ZBTB10: variants seen among roughly 807,000 people sequenced by gnomAD.
The protein encoded by ZBTB10 is zinc finger and BTB domain-containing protein 10.
In ZBTB10, 32 loss-of-function variants were observed where a neutral mutation model predicts 76.4. The observed-to-expected ratio is 0.42, with a 90% CI of 0.32 to 0.56. The LOEUF is 0.56. Ranked by LOEUF, ZBTB10 falls within the 20% of genes least tolerant of loss-of-function variation. ZBTB10 has a pLI of 0.14. For missense variants in ZBTB10, 1,057 were observed against 1,098.5 expected (o/e 0.96, Z 0.53); for synonymous variants, 523 against 432.9 (o/e 1.21, Z -2.58).
chr8:80,518,458 G>A lies in ZBTB10; in HGVS notation c.2016G>A (p.Lys672=). 1 of 1,553,354 alleles carries A rather than the reference G, an allele frequency of 6.4e-7. No homozygotes were observed. Among genetic ancestry groups the A allele is most frequent in the Non-Finnish European group, 8.7e-7 (1 of 1,147,892 alleles). Residue 672 remains lysine, a synonymous_variant, in exon 4 of 6, where the codon AAG becomes AAA. Coordinates refer to ENST00000455036, the MANE Select transcript of ZBTB10 (RefSeq NM_001105539.3). ...TGCCTGGTCCTTCAAATGATTTCAA[G>A]TATGGATTGATACCAGGTACTTCAA... is the stretch of plus-strand genomic sequence containing the variant. ...GLMPGPSNDF[K]YGLIPGTSND...
At chr8:80,516,204 A>G (rs1478212341) in intron 3 of ZBTB10, among the ~76,000 whole-genome samples, 1 of 152,184 alleles carries the variant, frequency 6.6e-6, no homozygotes, top group Admixed American at 6.5e-5. Flanking sequence ...GACAGGCACG[A>G]GCCACTGTGC....
rs1329266654 is a variant in ZBTB10, at chr8:80,520,377, T to A, written c.*849T>A. ...TTCTGACATGGTATTTGGTTTTGGGTATCTGTTACTTTGGCACTATTCTTG... is the reference window on the plus strand; with the variant it reads ...TTCTGACATGGTATTTGGTTTTGGGAATCTGTTACTTTGGCACTATTCTTG... On this transcript the variant is annotated 3_prime_UTR_variant, in exon 6 of 6. Transcript: ENST00000455036. 2.6e-5 allele frequency: 4 copies of A among 152,532 alleles called. No individual in the cohort carries two copies. The highest frequency in any genetic ancestry group is 2.6e-4 in the Admixed American group (4 of 15,254). 9.4% of individuals were successfully genotyped at this position (152,532 alleles called of 1,614,324 possible).
intron 2 of ZBTB10, among the ~76,000 whole-genome samples, chr8:80,502,163 G>T (rs1043370701): frequency 2.0e-5 from 3 of 152,126 alleles, no homozygotes; most frequent in Non-Finnish European, 4.4e-5. Flanking sequence ...GTATCTCCTA[G>T]CCATGGTTGT....
intron 1 of ZBTB10, among the ~76,000 whole-genome samples, chr8:80,495,152 A>G (rs976578095): frequency 1.4e-4 from 21 of 147,840 alleles, no homozygotes; most frequent in African/African-American, 5.2e-4. Context: ...TTTTTTTTTA[A>G]GGAGATAGGG....
Position 80,518,539 on chromosome 8 carries a change from A to G in ZBTB10, c.2097A>G (p.Leu699=). 6.4e-7 allele frequency: 1 copy of G among 1,553,152 alleles called. No individual in the cohort carries two copies. The highest frequency in any genetic ancestry group is 8.7e-7 in the Non-Finnish European group (1 of 1,147,938). The stretch of plus-strand genomic sequence containing the variant: ...CTTCAAATGATTTCAAGTATGGATT[A>G]TTGCCAGAATCTTGGCCAAAACAAG... ...PGASNDFKYG[L]LPESWPKQET... is the part of the protein sequence containing the mutation. The change falls in exon 4 of 6, where the codon TTA becomes TTG. Residue 699 remains leucine (L), a synonymous_variant. Coordinates refer to ENST00000455036, the MANE Select transcript of ZBTB10 (RefSeq NM_001105539.3).
At position 80,510,151 on chromosome 8, in the gene ZBTB10, A is replaced by G. The variant is rs118099819; in HGVS notation, c.1862-3759A>G. Among the ~76,000 whole-genome samples, 37 of 152,362 alleles carry G rather than the reference A, an allele frequency of 2.4e-4. No homozygotes were observed. In the East Asian group the frequency reaches 6.9e-3, roughly 29 times the overall value. ...TTGTTAAATAAAGGGAAGGTAATAA[A>G]GTGGATGCTGGTTTAACACAGAGTG... On this transcript the variant is annotated intron_variant, in intron 2 of 5. Transcript: ENST00000455036.
At chr8:80,504,510 T>C (rs959749118) in intron 2 of ZBTB10, among the ~76,000 whole-genome samples, 6 of 152,240 alleles carry the variant, frequency 3.9e-5, no homozygotes, top group African/African-American at 9.6e-5. Flanking sequence ...GGTATTTTTT[T>C]ATCTTGAAAT....
At position 80,521,872 on chromosome 8, in the gene ZBTB10, A is replaced by G. The variant is rs1816456009; in HGVS notation, c.*2344A>G. 1 of 151,786 alleles carries G rather than the reference A, an allele frequency of 6.6e-6. No individual in the cohort carries two copies. Among genetic ancestry groups the G allele is most frequent in the Non-Finnish European group, 1.5e-5 (1 of 67,766 alleles). The allele number at this position is 151,786 out of a possible 1,614,324, so 9.4% of individuals were successfully genotyped here. On this transcript the variant is annotated 3_prime_UTR_variant, in exon 6 of 6. Coordinates refer to ENST00000455036, the MANE Select transcript of ZBTB10 (RefSeq NM_001105539.3). ...AATTTAAAATATTCTATAATTGTCC[A>G]TTACTTTATGTTGTGTTGTGACAGA...
chr8:80,494,772 A>G (rs773216485), intron 1 of ZBTB10, among the ~76,000 whole-genome samples: 18 of 151,896 alleles, frequency 1.2e-4, no homozygotes, highest in Non-Finnish European at 2.5e-4. Flanking sequence ...TTAAAAAAAT[A>G]AAATAACTGG....
rs1815514863 is a variant in ZBTB10 at position 80,487,726 on chromosome 8, C to T, written c.916C>T (p.Leu306Phe). The T allele has an allele frequency of 1.2e-6, 2 of 1,613,388 alleles. No homozygotes were observed. Among genetic ancestry groups the T allele is most frequent in the Non-Finnish European group, 1.7e-6 (2 of 1,179,604 alleles). The change falls in exon 1 of 6, where the codon CTC becomes TTC. Residue 306 changes from leucine (L) to phenylalanine (F), a missense_variant. Leu to Phe is a conservative substitution (Grantham distance 22). Transcript: ENST00000455036. ...AGGGACCCGCAACTACAAGAAAACC[C>T]TCCTCCTGAGGCACCACGTCTCTAC... is the stretch of plus-strand genomic sequence containing the variant. Reference protein sequence around the residue: ...SRGTRNYKKTLLLRHHVSTEH... With the variant: ...SRGTRNYKKTFLLRHHVSTEH...
chr8:80,487,758 C>T lies in ZBTB10; in HGVS notation c.948C>T (p.His316=). 1 of 1,603,474 alleles carries T rather than the reference C, an allele frequency of 6.2e-7. No homozygotes were observed. The highest frequency in any genetic ancestry group is 1.1e-5 in the South Asian group (1 of 89,562). ...LLLRHHVSTE[H]KLHEANAQES... ...TGAGGCACCACGTCTCTACCGAGCACAAACTCCACGAAGCCAACGCCCAGG... is the reference window on the plus strand; with the variant it reads ...TGAGGCACCACGTCTCTACCGAGCATAAACTCCACGAAGCCAACGCCCAGG... Residue 316 remains histidine (H), a synonymous_variant, in exon 1 of 6, where the codon CAC becomes CAT. Coordinates refer to ENST00000455036, the MANE Select transcript of ZBTB10 (RefSeq NM_001105539.3).
At chr8:80,491,532 G>A (rs146751026) in intron 1 of ZBTB10, among the ~76,000 whole-genome samples, 238 of 152,246 alleles carry the variant, frequency 1.6e-3, no homozygotes, top group African/African-American at 5.5e-3. Context: ...CTGTTAATTG[G>A]ACCTTGGTTA....
intron 2 of ZBTB10, among the ~76,000 whole-genome samples, chr8:80,505,357 A>T (rs1294121003): frequency 6.6e-6 from 1 of 152,232 alleles, no homozygotes; most frequent in Non-Finnish European, 1.5e-5. Context: ...CAGTTTCCTT[A>T]GATGTTTTCT....
In ZBTB10 at chr8:80,486,992, G is replaced by A; in HGVS notation, c.182G>A (p.Arg61Gln). The A allele has an allele frequency of 1.3e-6, 2 of 1,513,706 alleles. No individual in the cohort carries two copies. The highest frequency in any genetic ancestry group is 2.1e-5 in the Admixed American group (1 of 48,528). The allele number at this position is 1,513,706 out of a possible 1,614,324, so 93.8% of individuals were successfully genotyped here. ...CCCGCGCTTCAGCCGCCTAATGGGC[G>A]GGGGGCCGACGAGGAAGTGGAATTG... ...APPALQPPNG[R>Q]GADEEVELEG... Residue 61 changes from arginine to glutamine, a missense_variant, in exon 1 of 6, where the codon CGG (arginine) becomes CAG (glutamine). Arg to Gln is a conservative substitution (Grantham distance 43, BLOSUM62 1). Transcript: ENST00000455036.
At chr8:80,513,550 G>A (rs369296985) in intron 2 of ZBTB10, among the ~76,000 whole-genome samples, 10 of 152,280 alleles carry the variant, frequency 6.6e-5, no homozygotes, top group South Asian at 2.1e-4. Flanking sequence ...TTGTTTGAGC[G>A]TCAAGTACCA....
intron 1 of ZBTB10, 80 bp downstream of exon 1, chr8:80,487,862 C>T (rs989355383): frequency 6.9e-7 from 1 of 1,452,244 alleles, no homozygotes; most frequent in African/African-American, 1.4e-5. Context: ...CCACCCACCC[C>T]CGAAAAAAAA....
At chr8:80,512,464 A>G (rs1816219233) in intron 2 of ZBTB10, among the ~76,000 whole-genome samples, 1 of 152,188 alleles carries the variant, frequency 6.6e-6, no homozygotes, top group Non-Finnish European at 1.5e-5. Context: ...TAATCCCAGC[A>G]CTTTGGGAGG....
chr8:80,523,555 G>T lies in ZBTB10; in HGVS notation c.*4027G>T, dbSNP rs1816491141. 1 of 151,026 alleles carries T rather than the reference G, an allele frequency of 6.6e-6. No individual in the cohort carries two copies. The highest frequency in any genetic ancestry group is 6.6e-5 in the Admixed American group (1 of 15,112). 9.4% of individuals were successfully genotyped at this position (151,026 alleles called of 1,614,324 possible). Reference sequence around the variant, plus strand: ...ACCCAGATCCTTAAACTTAACTATGGTACATAATATCCACACTTAGAACTA... The same window carrying T: ...ACCCAGATCCTTAAACTTAACTATGTTACATAATATCCACACTTAGAACTA... On this transcript the variant is annotated 3_prime_UTR_variant, in exon 6 of 6. Transcript: ENST00000455036.
chr8:80,515,583 C>T (rs1315292470), intron 3 of ZBTB10, among the ~76,000 whole-genome samples: 2 of 152,156 alleles, frequency 1.3e-5, no homozygotes, highest in African/African-American at 4.8e-5. Flanking sequence ...CACTTGCTTT[C>T]TCAGTTTTGA....
Sources: gnomAD v4.1 joint callset for allele counts (sites outside exome capture counted in the v4.1 genomes callset) on GRCh38, gnomAD v4.1.1 for gene constraint, MANE v1.5 for transcripts, NCBI Gene and HGNC (gene_info 2026-07-23, HGNC 2026-07-21) for gene names.